Variants in CCDC186 observed in about 807,000 individuals in gnomAD.
The protein encoded by CCDC186 is coiled-coil domain containing 186, also known as coiled-coil domain-containing protein 186.
A neutral mutation model predicts 113.7 loss-of-function variants in CCDC186; 49 were observed. The ratio of observed to expected loss-of-function variants is 0.43; its 90% confidence interval spans 0.34 to 0.55. The LOEUF is 0.55. CCDC186 is among the 20% of genes least tolerant of loss of function. The pLI is 0.02. For missense variants in CCDC186, 890 were observed against 1,011.1 expected, an observed-to-expected ratio of 0.88 and a Z score of 1.62; for synonymous variants, 355 against 345.8, an observed-to-expected ratio of 1.03 and a Z score of -0.30.
At chr10:114,126,807 C>A (rs2030918121) in intron 14 of CCDC186, among the ~76,000 whole-genome samples, 1 of 152,150 alleles carries the variant, frequency 6.6e-6, no homozygotes, top group African/African-American at 2.4e-5. Flanking sequence ...ATTAAAAAGT[C>A]ATTGGAAAAG....
At chr10:114,169,571 A>G (rs549803594) in intron 1 of CCDC186, among the ~76,000 whole-genome samples, 1 of 152,266 alleles carries the variant, frequency 6.6e-6, no homozygotes, top group South Asian at 2.1e-4. Flanking sequence ...TACCAGTTGT[A>G]CACTTCTCAA....
chr10:114,157,608 T>C lies in CCDC186; in HGVS notation c.705A>G (p.Glu235=). 6.2e-7 allele frequency: 1 copy of C among 1,611,076 alleles called. No homozygotes were observed. Among genetic ancestry groups the C allele is most frequent in the Non-Finnish European group, 8.5e-7 (1 of 1,178,866 alleles). ...CAGTTTCTGTTCTTTTCTTTAGTTC[T>C]TCTCTTAAATTGTCTTTTTCTGAAC... ...DICSEKDNLR[E]ELKKRTETEK... is the part of the protein sequence containing the mutation. Residue 235 remains glutamate (E), a synonymous_variant, in exon 3 of 16, where the codon GAA becomes GAG. Transcript: ENST00000369287.
rs1262029682 is a variant in CCDC186 at position 114,174,140 on chromosome 10, A to C, written c.-187T>G. ...AGGAAAAGACCGCGGTGAGAAACAC[A>C]GCCGACGCCTCACTCAGCGGCCGTT... On this transcript the variant is annotated 5_prime_UTR_variant, in exon 1 of 16. Transcript: ENST00000369287. 2.1e-6 allele frequency: 1 copy of C among 471,362 alleles called. No homozygotes were observed. Among genetic ancestry groups the C allele is most frequent in the Non-Finnish European group, 4.4e-6 (1 of 226,622 alleles). The allele number at this position is 471,362 out of a possible 1,614,324, so 29.2% of individuals were successfully genotyped here. A position where few individuals can be genotyped will look rare whatever the true frequency, so the allele number is the denominator to read the frequency against.
chr10:114,141,042 C>A (rs2031451190), intron 6 of CCDC186, among the ~76,000 whole-genome samples: 1 of 151,918 alleles, frequency 6.6e-6, no homozygotes, highest in East Asian at 1.9e-4. Flanking sequence ...AGGCATACAC[C>A]ACCACACCTG....
intron 4 of CCDC186, 75 bp downstream of exon 4, chr10:114,151,017 A>T (rs2031840304): frequency 6.5e-7 from 1 of 1,546,938 alleles, no homozygotes; most frequent in African/African-American, 1.4e-5. Context: ...AAAATAGTCT[A>T]ACAGTGTTAG....
At chr10:114,144,936 G>A (rs1331504546) in intron 5 of CCDC186, among the ~76,000 whole-genome samples, 2 of 151,804 alleles carry the variant, frequency 1.3e-5, no homozygotes, top group Admixed American at 6.6e-5. Context: ...GAATTCCTGA[G>A]AACAATGACA....
chr10:114,125,770 G>T, intron 15 of CCDC186, 116 bp downstream of exon 15: 5 of 741,224 alleles, frequency 6.7e-6, no homozygotes, highest in South Asian at 2.3e-5. Context: ...TCATCTTTGG[G>T]TAAAATGACT....
chr10:114,154,216 AAAAAAAAAAAAG>A (rs1390929646), intron 3 of CCDC186, among the ~76,000 whole-genome samples: 1 of 150,884 alleles, frequency 6.6e-6, no homozygotes, highest in Non-Finnish European at 1.5e-5. Flanking sequence ...GTCTCAAAAA[AAAAAAAAAAAAG>A]AAAAGAAAAA....
intron 6 of CCDC186, among the ~76,000 whole-genome samples, chr10:114,140,944 C>T (rs1413999684): frequency 6.6e-6 from 1 of 151,752 alleles, no homozygotes; most frequent in African/African-American, 2.4e-5. Context: ...CTGTGTTGCC[C>T]AGGCTGGAGT....
At chr10:114,134,824 T>C (rs2031203026) in intron 10 of CCDC186, 89 bp downstream of exon 10, 1 of 1,421,372 alleles carries the variant, frequency 7.0e-7, no homozygotes, top group African/African-American at 1.5e-5. Flanking sequence ...TAAAATTTTT[T>C]GTTTAATGCA....
chr10:114,138,500 G>C (rs1010744096), intron 6 of CCDC186, among the ~76,000 whole-genome samples: 1 of 151,568 alleles, frequency 6.6e-6, no homozygotes, highest in Non-Finnish European at 1.5e-5. Context: ...GGCCAGGCTG[G>C]TCTCAAACTC....
intron 1 of CCDC186, among the ~76,000 whole-genome samples, chr10:114,168,479 T>C (rs542463214): frequency 9.2e-5 from 14 of 152,336 alleles, no homozygotes; most frequent in Admixed American, 7.2e-4. Flanking sequence ...CCCCTATATA[T>C]AACATCACTA....
chr10:114,145,427 TA>T, intron 5 of CCDC186, 121 bp downstream of exon 5: 1 of 923,308 alleles, frequency 1.1e-6, no homozygotes, highest in Non-Finnish European at 1.5e-6. Context: ...GGTAAACTAA[TA>T]AAAACAACTT....
chr10:114,149,277 CAT>C (rs1468240773), intron 4 of CCDC186, among the ~76,000 whole-genome samples: 1 of 152,064 alleles, frequency 6.6e-6, no homozygotes, highest in East Asian at 1.9e-4. Context: ...AAGGAGAAAA[CAT>C]ACATAGCAGT....
Position 114,122,792 on chromosome 10 carries a change from A to G in CCDC186, c.*2351T>C, listed in dbSNP as rs2030770103. ...TACAAAAGCACACTGTAGACAGTGA[A>G]GAACAGAAGAAAACTAAAGCATTTT... On this transcript the variant is annotated 3_prime_UTR_variant, in exon 16 of 16. Transcript: ENST00000369287. 6.6e-6 allele frequency: 1 copy of G among 152,230 alleles called. No homozygotes were observed. Among genetic ancestry groups the G allele is most frequent in the Admixed American group, 6.5e-5 (1 of 15,288 alleles). 9.4% of individuals were successfully genotyped at this position (152,230 alleles called of 1,614,324 possible). A position where few individuals can be genotyped will look rare whatever the true frequency, so the allele number is the denominator to read the frequency against.
chr10:114,138,482 T>C (rs545419654), intron 6 of CCDC186, among the ~76,000 whole-genome samples: 12 of 151,476 alleles, frequency 7.9e-5, no homozygotes, highest in South Asian at 2.1e-4. Flanking sequence ...TTAGTAGAGA[T>C]AGGTTTTGGC....
rs905773459 is a variant in CCDC186, at chr10:114,125,995, T to C, written c.2504A>G (p.Tyr835Cys). 1 of 1,614,074 alleles carries C rather than the reference T, an allele frequency of 6.2e-7. No individual in the cohort carries two copies. The highest frequency in any genetic ancestry group is 8.5e-7 in the Non-Finnish European group (1 of 1,179,958). ...SRRGGIMASL[Y>C]TSHPADNGLT... is the part of the protein sequence containing the mutation. ...TCCATTGTCAGCTGGATGGGATGTA[T>C]ATAAAGATGCCATGATGCCACCCCG... is the stretch of plus-strand genomic sequence containing the variant. The change falls in exon 15 of 16, where the codon TAT becomes TGT. Residue 835 changes from tyrosine to cysteine, a missense_variant. Physicochemically the swap from Tyr to Cys is radical, Grantham distance 194 (BLOSUM62 -2). Transcript: ENST00000369287.
rs2030721711 is a variant in CCDC186, at chr10:114,121,478, T to C, written c.*3665A>G. 1 of 152,194 alleles carries C rather than the reference T, an allele frequency of 6.6e-6. No individual in the cohort carries two copies. The highest frequency in any genetic ancestry group is 6.5e-5 in the Admixed American group (1 of 15,284). The allele number at this position is 152,194 out of a possible 1,614,324, so 9.4% of individuals were successfully genotyped here. On this transcript the variant is annotated 3_prime_UTR_variant, in exon 16 of 16. Transcript: ENST00000369287. ...GCAAAAGAAAGATTGGAAACATGCG[T>C]GACATGATTAATCTTTATGAGCACC...
intron 3 of CCDC186, among the ~76,000 whole-genome samples, chr10:114,155,912 C>T (rs1008635963): frequency 6.6e-6 from 1 of 151,986 alleles, no homozygotes; most frequent in African/African-American, 2.4e-5. Context: ...CTGGTGGATG[C>T]CACATTAGAT....
Sources: allele counts gnomAD v4.1 joint callset (sites outside exome capture counted in the v4.1 genomes callset), GRCh38; gene constraint gnomAD v4.1.1; transcripts MANE v1.5; gene names NCBI Gene and HGNC (gene_info 2026-07-23, HGNC 2026-07-21).